The following CCDC187 variants were observed in gnomAD, a reference collection of about 807,000 sequenced individuals.
CCDC187 encodes the protein coiled-coil domain containing 187, also known as coiled-coil domain-containing protein 187.
CCDC187 carries 32 observed loss-of-function variants against 38.0 expected under a neutral mutation model. The observed-to-expected ratio is 0.84, with a 90% CI of 0.64 to 1.13. CCDC187 has a LOEUF of 1.13. Ranked by LOEUF, CCDC187 falls within the 50% of genes most tolerant of loss-of-function variation. CCDC187 has a pLI of 0.00. For missense variants in CCDC187, 707 were observed against 786.8 expected (o/e 0.90, Z 1.21); for synonymous variants, 333 against 347.9 (o/e 0.96, Z 0.48).
At chr9:136,287,314 G>T (rs1831205075) in intron 7 of CCDC187, among the ~76,000 whole-genome samples, 1 of 152,126 alleles carries the variant, frequency 6.6e-6, no homozygotes, top group East Asian at 1.9e-4. Flanking sequence ...ACATAGAAAT[G>T]AGCCTGGCCG....
chr9:136,255,496 C>G (rs782144038), intron 25 of CCDC187, among the ~76,000 whole-genome samples, 161 bp downstream of exon 25: 1 of 152,200 alleles, frequency 6.6e-6, no homozygotes, highest in African/African-American at 2.4e-5. Flanking sequence ...CCCTGGCAAC[C>G]CTGTGATGGG....
At chr9:136,267,819 C>T in intron 15 of CCDC187, 3 of 981,876 alleles carry the variant, frequency 3.1e-6, no homozygotes, top group Non-Finnish European at 3.6e-6. Flanking sequence ...CTAACCCTGC[C>T]CAAAGCACCA....
chr9:136,261,640 C>T (rs116066410), intron 19 of CCDC187, among the ~76,000 whole-genome samples: 63 of 152,324 alleles, frequency 4.1e-4, no homozygotes, highest in African/African-American at 1.4e-3. Flanking sequence ...GGAGGAGGCA[C>T]GGAGCCAATG....
Position 136,302,874 on chromosome 9 carries a change from G to A in CCDC187, c.563C>T (p.Thr188Met), listed in dbSNP as rs994265690. Residue 188 changes from threonine (T) to methionine (M), a missense_variant, in exon 2 of 26, where the codon ACG becomes ATG. Physicochemically the swap from Thr to Met is moderately conservative, Grantham distance 81. Transcript: ENST00000638797. ...SSASRLHKAS[T>M]LMLRRKGQEA... ...TTGGCCTTTCCTCCTAAGCATCAGC[G>A]TGGAGGCTTTGTGGAGTCTGGAGGC... 46,578 of 398,608 alleles carry A rather than the reference G, an allele frequency of 0.12. 5,375 individuals carry two copies. Among genetic ancestry groups the A allele is most frequent in the East Asian group, 0.34 (9,518 of 28,056 alleles). 24.7% of individuals were successfully genotyped at this position (398,608 alleles called of 1,614,324 possible). A position where few individuals can be genotyped will look rare whatever the true frequency, so the allele number is the denominator to read the frequency against.
At chr9:136,282,399 G>A (rs1453276440) in intron 9 of CCDC187, among the ~76,000 whole-genome samples, 3 of 152,270 alleles carry the variant, frequency 2.0e-5, no homozygotes, top group East Asian at 1.9e-4. Flanking sequence ...CCAGGCACGG[G>A]GAGGCAGTGC....
chr9:136,299,796 T>TG lies in CCDC187; in HGVS notation c.724+423dup, dbSNP rs1185202210. ...GTTCAGCGTTTCCCCATCTGTGGGC[T>TG]GGGGGGGCAGTGCCTCCCATCTACA... On this transcript the variant is annotated intron_variant, in intron 3 of 25. Coordinates refer to ENST00000638797, the MANE Select transcript of CCDC187 (RefSeq NM_001378188.1). Among the ~76,000 whole-genome samples the TG allele has an allele frequency of 6.1e-3, 925 of 152,156 alleles. 7 individuals are homozygous for TG. Among genetic ancestry groups the TG allele is most frequent in the African/African-American group, 0.019 (805 of 41,526 alleles).
At position 136,259,319 on chromosome 9, in the gene CCDC187, A is replaced by C. The variant is rs1830654116; in HGVS notation, c.4296+44T>G. The stretch of plus-strand genomic sequence containing the variant: ...GAATGTTGGGGGGGGGTGGTCCCTG[A>C]AACAGGCGGTGCTGGGGAAAGGGCT... On this transcript the variant is annotated intron_variant, in intron 21 of 25. Transcript: ENST00000638797. 4.3e-6 allele frequency: 4 copies of C among 924,370 alleles called. No individual in the cohort carries two copies. The South Asian group carries it at 2.0e-4, about 47-fold the overall frequency. The allele number at this position is 924,370 out of a possible 1,614,324, so 57.3% of individuals were successfully genotyped here.
chr9:136,289,912 C>CG (rs1295496177), intron 7 of CCDC187, 47 bp downstream of exon 7: 9 of 392,312 alleles, frequency 2.3e-5, no homozygotes, highest in South Asian at 1.3e-4. Flanking sequence ...CTTGGCCCCC[C>CG]CCAAGGCCCC....
intron 16 of CCDC187, chr9:136,266,409 C>T (rs1278227029): frequency 1.3e-5 from 2 of 152,270 alleles, no homozygotes; most frequent in African/African-American, 4.8e-5. Flanking sequence ...AATAAACACC[C>T]TCAGTCTGGC....
At chr9:136,266,569 T>C (rs1178527644) in intron 16 of CCDC187, 1 of 152,210 alleles carries the variant, frequency 6.6e-6, no homozygotes, top group Non-Finnish European at 1.5e-5. Flanking sequence ...CTATCTTCAT[T>C]AATAATGGCA....
intron 9 of CCDC187, among the ~76,000 whole-genome samples, chr9:136,284,947 C>T (rs920145378): frequency 0.032 from 4,897 of 152,222 alleles, 105 homozygotes; most frequent in Middle Eastern, 0.082. Flanking sequence ...ACTGGGGCTG[C>T]AGGCGCTGGG....
intron 15 of CCDC187, 103 bp downstream of exon 15, chr9:136,267,946 C>T (rs1830778287): frequency 1.0e-6 from 1 of 985,364 alleles, no homozygotes. Context: ...CAGGACCTGC[C>T]TTGGCCCTTC....
At chr9:136,255,254 C>T (rs1421375216) in intron 25 of CCDC187, 120 bp from the exon 26 acceptor site, 4 of 409,470 alleles carry the variant, frequency 9.8e-6, no homozygotes, top group African/African-American at 6.5e-5. Flanking sequence ...GCAGGAAAAG[C>T]GTCGAGGGTG....
intron 7 of CCDC187, 107 bp downstream of exon 7, chr9:136,289,852 T>C (rs1308151820): frequency 7.6e-6 from 3 of 394,996 alleles, no homozygotes; most frequent in African/African-American, 2.1e-5. Context: ...GAGGAGCCTC[T>C]CGGTCATGAG....
intron 10 of CCDC187, chr9:136,281,236 G>A: frequency 5.0e-6 from 2 of 396,902 alleles, no homozygotes; most frequent in East Asian, 7.1e-5. Flanking sequence ...TCGAATCCGA[G>A]CTGATGGGAC....
Position 136,286,548 on chromosome 9 carries a change from G to C in CCDC187, c.2370C>G (p.Thr790=). The change falls in exon 8 of 26, where the codon ACC becomes ACG. Residue 790 remains threonine, a synonymous_variant. Coordinates refer to ENST00000638797, the MANE Select transcript of CCDC187 (RefSeq NM_001378188.1). ...TGCACATCCCCCGGGGTAGGTAGCG[G>C]GTGGTCAGGTCCTGGAGCTCCAGGG... ...LGSLELQDLT[T]RYLPRGMCIY... The C allele has an allele frequency of 2.5e-6, 1 of 398,712 alleles. No individual in the cohort carries two copies. Among genetic ancestry groups the C allele is most frequent in the Non-Finnish European group, 4.4e-6 (1 of 226,122 alleles). 24.7% of individuals were successfully genotyped at this position (398,712 alleles called of 1,614,324 possible).
chr9:136,271,450 C>T (rs62579930), intron 14 of CCDC187, among the ~76,000 whole-genome samples: 16,721 of 151,616 alleles, frequency 0.11, 1,229 homozygotes, highest in Admixed American at 0.2. Flanking sequence ...GAACCTGAGA[C>T]GCAGAGGTTG....
upstream of CCDC187, among the ~76,000 whole-genome samples, chr9:136,306,098 A>G (rs1831801066): frequency 6.6e-6 from 1 of 152,192 alleles, no homozygotes; most frequent in East Asian, 1.9e-4. Flanking sequence ...CATGGGGTGG[A>G]CAGGAGCAGC....
At chr9:136,275,791 C>T (rs904810374) in intron 12 of CCDC187, among the ~76,000 whole-genome samples, 1 of 152,174 alleles carries the variant, frequency 6.6e-6, no homozygotes, top group Non-Finnish European at 1.5e-5. Context: ...AGAGGTGGCT[C>T]AGGAGACACT....
Sources: gnomAD v4.1 joint callset for allele counts (sites outside exome capture counted in the v4.1 genomes callset) on GRCh38, gnomAD v4.1.1 for gene constraint, MANE v1.5 for transcripts, NCBI Gene and HGNC (gene_info 2026-07-23, HGNC 2026-07-21) for gene names.